The following RFTN1 variants were observed in gnomAD, a reference collection of about 807,000 sequenced individuals.
RFTN1 encodes the protein raftlin.
A neutral mutation model predicts 46.5 loss-of-function variants in RFTN1; 26 were observed. That is an observed-to-expected ratio of 0.56 (90% CI 0.41 to 0.78). The LOEUF (loss-of-function observed/expected upper bound fraction) is 0.78. RFTN1 is among the 30% of genes least tolerant of loss of function. RFTN1 has a pLI of 0.00. For synonymous variants in RFTN1, 261 were observed against 284.2 expected (o/e 0.92, Z 0.82); for missense variants, 693 against 718.7 (o/e 0.96, Z 0.41).
intron 3 of RFTN1, among the ~76,000 whole-genome samples, chr3:16,409,684 ATTT>A (rs386396025): frequency 3.3e-5 from 4 of 122,516 alleles, no homozygotes; most frequent in Admixed American, 8.8e-5. Flanking sequence ...CACCCGGCTA[ATTT>A]TTTTTTTTTT....
intron 1 of RFTN1, among the ~76,000 whole-genome samples, chr3:16,510,361 T>C (rs2076877114): frequency 6.6e-6 from 1 of 152,196 alleles, no homozygotes; most frequent in African/African-American, 2.4e-5. Context: ...CTTGGGGTTA[T>C]TTTTCTTTTT....
At position 16,449,534 on chromosome 3, in the gene RFTN1, G is replaced by C. The variant is rs1304466696; in HGVS notation, c.146-15497C>G. On this transcript the variant is annotated intron_variant, in intron 2 of 9. Transcript: ENST00000334133. The surrounding 1 kb of genome is among the most constrained non-coding windows in gnomAD (Gnocchi z 5.1). The stretch of plus-strand genomic sequence containing the variant: ...GAACTGGTAACTCCTCCATACACGG[G>C]AGCTGCTAAAATCATTGTTGTTATC... Among the ~76,000 whole-genome samples, 1 of 152,162 alleles carries C rather than the reference G, an allele frequency of 6.6e-6. No homozygotes were observed. Among genetic ancestry groups the C allele is most frequent in the Non-Finnish European group, 1.5e-5 (1 of 68,034 alleles).
chr3:16,465,381 G>GA lies in RFTN1; in HGVS notation c.145+28343dup, dbSNP rs1559360575. On this transcript the variant is annotated intron_variant, in intron 2 of 9. Transcript: ENST00000334133. This position sits in a 1 kb window ranked among gnomAD's most constrained non-coding sequence, Gnocchi z 5.1. ...CATCAAGGCAATTCTCTGAGCACAG[G>GA]AAAAAAATATCCCCAACAGAGGTTG... 6.8e-6 allele frequency among the ~76,000 whole-genome samples: 1 copy of GA among 147,016 alleles called. No homozygotes were observed. The highest frequency in any genetic ancestry group is 2.5e-5 in the African/African-American group (1 of 39,612).
chr3:16,442,273 T>A lies in RFTN1; in HGVS notation c.146-8236A>T, dbSNP rs1575298604. On this transcript the variant is annotated intron_variant, in intron 2 of 9. Transcript: ENST00000334133. This position sits in a 1 kb window ranked among gnomAD's most constrained non-coding sequence, Gnocchi z 4.1. ...AAGTGAACTATTTGGTGGCGTTTAGTATCTTCATGATGTTGCACAACCATC... is the reference window on the plus strand; with the variant it reads ...AAGTGAACTATTTGGTGGCGTTTAGAATCTTCATGATGTTGCACAACCATC... Among the ~76,000 whole-genome samples, 1 of 152,206 alleles carries A rather than the reference T, an allele frequency of 6.6e-6. No individual in the cohort carries two copies. The highest frequency in any genetic ancestry group is 2.4e-5 in the African/African-American group (1 of 41,448).
Position 16,506,109 on chromosome 3 carries a change from AG to A in RFTN1, c.-9+7332del, listed in dbSNP as rs1358321579. The stretch of plus-strand genomic sequence containing the variant: ...AAACAACAATGCAGGGGGGAGGGAT[AG>A]CAATCACAGGAGGAGGTATAGTGTT... On this transcript the variant is annotated intron_variant, in intron 1 of 9. Transcript: ENST00000334133. This position sits in a 1 kb window ranked among gnomAD's most constrained non-coding sequence, Gnocchi z 4.8. 6.6e-5 allele frequency among the ~76,000 whole-genome samples: 10 copies of A among 152,256 alleles called. No homozygotes were observed. The highest frequency in any genetic ancestry group is 2.4e-4 in the African/African-American group (10 of 41,464).
At chr3:16,319,512 A>C (rs760937564) in intron 9 of RFTN1, among the ~76,000 whole-genome samples, 7 of 152,220 alleles carry the variant, frequency 4.6e-5, no homozygotes, top group Non-Finnish European at 1.0e-4. Context: ...TGATGTGAAT[A>C]GCGCCCTCTG....
intron 2 of RFTN1, 68 bp from the exon 3 acceptor site, chr3:16,434,105 C>T (rs2075449801): frequency 7.3e-7 from 1 of 1,370,784 alleles, no homozygotes; most frequent in Admixed American, 2.7e-5. Flanking sequence ...GCCCAAACCC[C>T]TCTTCCCTTG....
intron 1 of RFTN1, among the ~76,000 whole-genome samples, chr3:16,496,424 A>C (rs1403234365): frequency 6.6e-6 from 1 of 152,226 alleles, no homozygotes; most frequent in African/African-American, 2.4e-5. Context: ...AAACAGGTGA[A>C]ATGCCCCAAC....
chr3:16,418,404 G>A lies in RFTN1; in HGVS notation c.333-8921C>T, dbSNP rs765949754. Among the ~76,000 whole-genome samples the A allele has an allele frequency of 2.0e-5, 3 of 152,032 alleles. No homozygotes were observed. The highest frequency in any genetic ancestry group is 4.4e-5 in the Non-Finnish European group (3 of 68,012). On this transcript the variant is annotated intron_variant, in intron 3 of 9. Coordinates refer to ENST00000334133, the MANE Select transcript of RFTN1 (RefSeq NM_015150.2). The surrounding 1 kb of genome is among the most constrained non-coding windows in gnomAD (Gnocchi z 5.0). ...CTCTTCAAAGACCATGAGTTTAAAC[G>A]ATGTCTTCTTTTTCCCAGGACAACA...
At chr3:16,416,278 T>A (rs981864380) in intron 3 of RFTN1, 3 of 450,978 alleles carry the variant, frequency 6.7e-6, no homozygotes, top group African/African-American at 6.0e-5. Context: ...ATAGTTTTAA[T>A]AATGCACATA....
rs1309198815 is a variant in RFTN1, at chr3:16,457,592, T to C, written c.146-23555A>G. Among the ~76,000 whole-genome samples the C allele has an allele frequency of 6.6e-6, 1 of 152,266 alleles. No individual in the cohort carries two copies. On this transcript the variant is annotated intron_variant, in intron 2 of 9. Transcript: ENST00000334133. This position sits in a 1 kb window ranked among gnomAD's most constrained non-coding sequence, Gnocchi z 4.2. ...CTCAAATACCACTTATTTAGTTCTG[T>C]AAATTTTAAGTAATAAAATTTTAGT...
intron 2 of RFTN1, among the ~76,000 whole-genome samples, chr3:16,445,573 T>G (rs2075715630): frequency 6.6e-6 from 1 of 150,554 alleles, no homozygotes; most frequent in South Asian, 2.1e-4. Context: ...TATTGAGCAC[T>G]CAAAATGTGG....
chr3:16,431,766 G>C (rs1035219187), intron 3 of RFTN1, among the ~76,000 whole-genome samples: 26 of 152,142 alleles, frequency 1.7e-4, no homozygotes, highest in African/African-American at 6.3e-4. Context: ...ACTACTGAGG[G>C]GTAAAATGGG....
At chr3:16,439,330 G>A (rs1221919309) in intron 2 of RFTN1, among the ~76,000 whole-genome samples, 1 of 152,200 alleles carries the variant, frequency 6.6e-6, no homozygotes, top group Non-Finnish European at 1.5e-5. Context: ...GTTGTAGCCT[G>A]TTGGTCTGTT....
At chr3:16,409,979 G>A (rs1034522023) in intron 3 of RFTN1, among the ~76,000 whole-genome samples, 1 of 148,804 alleles carries the variant, frequency 6.7e-6, no homozygotes, top group African/African-American at 2.5e-5. Context: ...GAGCCACTGT[G>A]CCCAGACGCA....
rs2075752300 is a variant in RFTN1 at position 16,447,439 on chromosome 3, T to G, written c.146-13402A>C. On this transcript the variant is annotated intron_variant, in intron 2 of 9. Coordinates refer to ENST00000334133, the MANE Select transcript of RFTN1 (RefSeq NM_015150.2). The surrounding 1 kb of genome is among the most constrained non-coding windows in gnomAD (Gnocchi z 5.9). ...GCAGCTCCGGCTCCATTAACCAATT[T>G]GCATGCAAAATCGACATCAGCACTC... Among the ~76,000 whole-genome samples, 1 of 152,218 alleles carries G rather than the reference T, an allele frequency of 6.6e-6. No homozygotes were observed. Among genetic ancestry groups the G allele is most frequent in the Non-Finnish European group, 1.5e-5 (1 of 68,042 alleles).
intron 2 of RFTN1, among the ~76,000 whole-genome samples, chr3:16,437,698 T>C (rs73031468): frequency 0.045 from 6,888 of 152,134 alleles, 213 homozygotes; most frequent in Middle Eastern, 0.068. Flanking sequence ...TCGGTGTTTT[T>C]TCCTTTCACT....
chr3:16,485,284 G>T (rs781742284), intron 2 of RFTN1, among the ~76,000 whole-genome samples: 31 of 151,978 alleles, frequency 2.0e-4, no homozygotes, highest in Non-Finnish European at 4.0e-4. Flanking sequence ...GAAACAAAAA[G>T]GAATTAACTC....
Position 16,474,108 on chromosome 3 carries a change from T to C in RFTN1, c.145+19617A>G, listed in dbSNP as rs745898983. ...GAAATCTTGCACTTACATTTGACTC[T>C]TCTTTGCATTTGGTATAAAAATAGC... On this transcript the variant is annotated intron_variant, in intron 2 of 9. Coordinates refer to ENST00000334133, the MANE Select transcript of RFTN1 (RefSeq NM_015150.2). This position sits in a 1 kb window ranked among gnomAD's most constrained non-coding sequence, Gnocchi z 5.5. Among the ~76,000 whole-genome samples the C allele has an allele frequency of 2.0e-5, 3 of 152,236 alleles. No homozygotes were observed. The highest frequency in any genetic ancestry group is 2.9e-5 in the Non-Finnish European group (2 of 68,054).
Sources: allele counts gnomAD v4.1 joint callset (sites outside exome capture counted in the v4.1 genomes callset), GRCh38; gene constraint gnomAD v4.1.1; non-coding constraint Gnocchi (gnomAD v3.1); transcripts MANE v1.5; gene names NCBI Gene and HGNC (gene_info 2026-07-23, HGNC 2026-07-21).